The following MAPT variants were observed in gnomAD, a reference collection of about 807,000 sequenced individuals.
MAPT encodes the protein microtubule associated protein tau.
A neutral mutation model predicts 67.9 loss-of-function variants in MAPT; 34 were observed. The ratio of observed to expected loss-of-function variants is 0.50; its 90% confidence interval spans 0.38 to 0.67. The LOEUF (loss-of-function observed/expected upper bound fraction) is 0.67, where lower values mean the gene tolerates loss of function less well. Among genes scored for constraint, MAPT ranks in the 30% least tolerant of loss-of-function variants. The pLI, the probability that MAPT is intolerant of heterozygous loss-of-function variation, is 0.00. For synonymous variants in MAPT, 456 were observed against 464.5 expected, an observed-to-expected ratio of 0.98 and a Z score of 0.23; for missense variants, 881 against 1,115.2, an observed-to-expected ratio of 0.79 and a Z score of 2.99.
rs1046892077 is a variant in MAPT, at chr17:46,025,934, C to G, written c.*1763C>G. ...CCCCCTTGGAAATGGTTCTTTTCCC[C>G]CAGTCCCAGCTGGAAGCCATGCTGT... On this transcript the variant is annotated 3_prime_UTR_variant, in exon 13 of 13. Coordinates refer to ENST00000262410, the MANE Select transcript of MAPT (RefSeq NM_001377265.1). 2.6e-5 allele frequency: 4 copies of G among 152,290 alleles called. No individual in the cohort carries two copies. Among genetic ancestry groups the G allele is most frequent in the African/African-American group, 9.7e-5 (4 of 41,424 alleles). The allele number at this position is 152,290 out of a possible 1,614,324, so 9.4% of individuals were successfully genotyped here.
intron 10 of MAPT, among the ~76,000 whole-genome samples, chr17:46,014,020 C>T (rs144963912): frequency 1.6e-4 from 24 of 152,166 alleles, no homozygotes; most frequent in Admixed American, 1.6e-3. Flanking sequence ...CCCAGCTCCC[C>T]TGGGGCAGGG....
At chr17:45,972,437 T>C (rs1285912178) in intron 3 of MAPT, among the ~76,000 whole-genome samples, 1 of 152,184 alleles carries the variant, frequency 6.6e-6, no homozygotes, top group Non-Finnish European at 1.5e-5. Context: ...TTCCAGACAC[T>C]CGGCATCTAG....
At chr17:45,936,081 C>G (rs115661394) in intron 1 of MAPT, among the ~76,000 whole-genome samples, 2,215 of 152,274 alleles carry the variant, frequency 0.015, 55 homozygotes, top group African/African-American at 0.051. Context: ...TGTGGTAGAT[C>G]GGCAGAGTTC....
At chr17:45,963,117 T>A (rs1453778455) in intron 2 of MAPT, among the ~76,000 whole-genome samples, 1 of 152,226 alleles carries the variant, frequency 6.6e-6, no homozygotes, top group Non-Finnish European at 1.5e-5. Flanking sequence ...TAAACATTGC[T>A]TTTTATCTCT....
intron 3 of MAPT, chr17:45,974,861 G>A (rs937898042): frequency 1.1e-5 from 3 of 264,468 alleles, no homozygotes; most frequent in Admixed American, 4.9e-5. Context: ...CCCAAGGGGT[G>A]GACCCCAAGA....
At chr17:45,977,984 C>A (rs2072547425) in intron 3 of MAPT, 2 of 221,464 alleles carry the variant, frequency 9.0e-6, no homozygotes, top group African/African-American at 4.5e-5. Context: ...CAGGCAAAGT[C>A]TTTCCTTGAA....
chr17:45,965,369 G>T (rs1025392284), intron 2 of MAPT, among the ~76,000 whole-genome samples: 2 of 151,600 alleles, frequency 1.3e-5, no homozygotes, highest in African/African-American at 4.8e-5. Flanking sequence ...AGCAGAGGTT[G>T]CAGTGAGCCA....
intron 1 of MAPT, among the ~76,000 whole-genome samples, chr17:45,930,953 C>A (rs926917978): frequency 2.0e-5 from 3 of 152,192 alleles, no homozygotes. Context: ...GTGGGTCCTG[C>A]CTGGATGTCA....
intron 1 of MAPT, among the ~76,000 whole-genome samples, chr17:45,905,501 T>G (rs1156471013): frequency 6.6e-6 from 1 of 152,196 alleles, no homozygotes; most frequent in Admixed American, 6.5e-5. Flanking sequence ...GAAAAAATTT[T>G]TAATCAGTAG....
At chr17:45,902,335 G>T (rs576758582) in intron 1 of MAPT, among the ~76,000 whole-genome samples, 66 of 152,254 alleles carry the variant, frequency 4.3e-4, no homozygotes, top group African/African-American at 1.5e-3. Context: ...CTCCCAAAGT[G>T]CTGGGATTAC....
chr17:46,013,696 C>T (rs751053021), intron 10 of MAPT, among the ~76,000 whole-genome samples: 3 of 152,280 alleles, frequency 2.0e-5, no homozygotes, highest in South Asian at 2.1e-4. Flanking sequence ...TTCCAGGGTC[C>T]GTGGAAGCTT....
intron 1 of MAPT, among the ~76,000 whole-genome samples, chr17:45,916,918 C>T (rs1054476817): frequency 1.3e-5 from 2 of 152,174 alleles, no homozygotes; most frequent in Admixed American, 1.3e-4. Flanking sequence ...ACATCACCTC[C>T]CTCCAGTGTC....
chr17:46,019,327 C>T (rs980037245), intron 12 of MAPT, among the ~76,000 whole-genome samples: 13 of 152,132 alleles, frequency 8.5e-5, no homozygotes, highest in African/African-American at 3.1e-4. Context: ...CCTCCCATGA[C>T]ACATGGAATT....
chr17:45,935,470 T>A (rs950184988), intron 1 of MAPT, among the ~76,000 whole-genome samples: 3 of 152,066 alleles, frequency 2.0e-5, no homozygotes, highest in African/African-American at 7.2e-5. Context: ...CCCTCGGAAC[T>A]CAGAGGTGGT....
At chr17:46,003,414 G>T (rs998561606) in intron 9 of MAPT, among the ~76,000 whole-genome samples, 1 of 152,088 alleles carries the variant, frequency 6.6e-6, no homozygotes, top group African/African-American at 2.4e-5. Flanking sequence ...TAGTAGCTGG[G>T]ATTACAAGCA....
chr17:46,014,882 C>CAAAAAAAAAAAAAA (rs1254513618), intron 11 of MAPT, among the ~76,000 whole-genome samples: 12,827 of 124,770 alleles, frequency 0.1, 1,141 homozygotes, highest in Non-Finnish European at 0.16. Context: ...GACTCCGTCT[C>CAAAAAAAAAAAAAA]AAAAAAAAAA....
chr17:45,953,524 T>A (rs1294194623), intron 1 of MAPT, among the ~76,000 whole-genome samples: 1 of 152,150 alleles, frequency 6.6e-6, no homozygotes, highest in South Asian at 2.1e-4. Context: ...TGCATTCCAC[T>A]TTTTTCCCCA....
At chr17:45,904,144 T>TTA (rs1347021719) in intron 1 of MAPT, among the ~76,000 whole-genome samples, 1 of 31,052 alleles carries the variant, frequency 3.2e-5, no homozygotes, top group African/African-American at 9.4e-5. Flanking sequence ...TATGTATATA[T>TTA]TATATATGTT....
intron 1 of MAPT, 143 bp downstream of exon 1, chr17:45,894,829 C>G (rs1412794515): frequency 6.6e-6 from 1 of 151,896 alleles, no homozygotes; most frequent in Non-Finnish European, 1.5e-5. Flanking sequence ...TCCCTGCCTC[C>G]CCTGCTCGGG....
Sources: allele counts gnomAD v4.1 joint callset (sites outside exome capture counted in the v4.1 genomes callset), GRCh38; gene constraint gnomAD v4.1.1; transcripts MANE v1.5; gene names NCBI Gene and HGNC (gene_info 2026-07-23, HGNC 2026-07-21).